Variants in CNGA2 observed in about 807,000 individuals in gnomAD.
The protein encoded by CNGA2 is cyclic nucleotide-gated channel alpha-2.
A neutral mutation model predicts 35.9 loss-of-function variants in CNGA2; 22 were observed. That is an observed-to-expected ratio of 0.61 (90% CI 0.44 to 0.88). CNGA2 has a LOEUF of 0.88. CNGA2 is among the 40% of genes least tolerant of loss of function. The probability of loss-of-function intolerance (pLI) is 0.00; values close to 1 mark genes in which losing one functional copy is unlikely to be tolerated. For missense variants in CNGA2, 555 were observed against 530.8 expected, an observed-to-expected ratio of 1.05 and a Z score of -0.45; for synonymous variants, 217 against 209.2, an observed-to-expected ratio of 1.04 and a Z score of -0.32.
At position 151,744,818 on chromosome X, in the gene CNGA2, C is replaced by T. The variant is rs1255674082; in HGVS notation, c.*320C>T. ...ATAGCGACCCCTCCCTTGGTTCTGG[C>T]CCCCGCTTTTTCTAACATGTCTTCT... On this transcript the variant is annotated 3_prime_UTR_variant, in exon 7 of 7. Coordinates refer to ENST00000329903, the MANE Select transcript of CNGA2 (RefSeq NM_005140.3). 2.3e-5 allele frequency: 6 copies of T among 266,354 alleles called. No individual in the cohort carries two copies. Among genetic ancestry groups the T allele is most frequent in the Non-Finnish European group, 3.3e-5 (5 of 149,824 alleles). The allele number at this position is 266,354 out of a possible 1,213,427, so 22.0% of individuals were successfully genotyped here. A position where few individuals can be genotyped will look rare whatever the true frequency, so the allele number is the denominator to read the frequency against.
At chrX:151,738,717 A>G in intron 2 of CNGA2, 70 bp from the exon 3 acceptor site, 1 of 1,090,905 alleles carries the variant, frequency 9.2e-7, no homozygotes, top group Non-Finnish European at 1.2e-6. Flanking sequence ...GGGATTTCTA[A>G]GCATGACCCA....
chrX:151,740,871 T>C lies in CNGA2; in HGVS notation c.452T>C (p.Val151Ala). 3 of 1,210,842 alleles carry C rather than the reference T, an allele frequency of 2.5e-6. No individual in the cohort carries two copies. The highest frequency in any genetic ancestry group is 2.2e-6 in the Non-Finnish European group (2 of 894,992). ...TGGCTATTTGTCATTGCCATGCCCG[T>C]CCTTTACAACTGGTGCCTGCTGGTG... is the stretch of plus-strand genomic sequence containing the variant. ...YCWLFVIAMP[V>A]LYNWCLLVAR... Residue 151 changes from valine (V) to alanine (A), a missense_variant, in exon 5 of 7, where the codon GTC (valine) becomes GCC (alanine). Val to Ala is a moderately conservative substitution (Grantham distance 64). Coordinates refer to ENST00000329903, the MANE Select transcript of CNGA2 (RefSeq NM_005140.3).
chrX:151,735,117 C>A (rs897362544), intron 1 of CNGA2, among the ~76,000 whole-genome samples, 174 bp downstream of exon 1: 9 of 111,947 alleles, frequency 8.0e-5, no homozygotes, highest in Non-Finnish European at 1.5e-4. Context: ...GCTGGTTTTT[C>A]TTTAAAGTCC....
At chrX:151,738,691 C>A in intron 2 of CNGA2, 96 bp from the exon 3 acceptor site, 1 of 1,085,188 alleles carries the variant, frequency 9.2e-7, no homozygotes, top group Admixed American at 2.5e-5. Context: ...TCCAGGACAG[C>A]CTCTAAAAAG....
intron 5 of CNGA2, among the ~76,000 whole-genome samples, chrX:151,741,831 C>A (rs1192237189): frequency 6.2e-5 from 7 of 112,250 alleles, no homozygotes; most frequent in Non-Finnish European, 1.3e-4. Context: ...TGGCATGGGC[C>A]AGCTCTGCAG....
chrX:151,738,953 C>T (rs2015275811), intron 3 of CNGA2, 74 bp downstream of exon 3: 7 of 830,310 alleles, frequency 8.4e-6, no homozygotes, highest in Non-Finnish European at 8.5e-6. Flanking sequence ...CACTGCCCTC[C>T]TCTTCACGGT....
At chrX:151,738,725 C>G (rs2015272482) in intron 2 of CNGA2, 62 bp from the exon 3 acceptor site, 4 of 1,097,446 alleles carry the variant, frequency 3.6e-6, no homozygotes, top group Non-Finnish European at 4.9e-6. Flanking sequence ...TAAGCATGAC[C>G]CAGGAGGGGA....
At position 151,745,233 on chromosome X, in the gene CNGA2, T is replaced by C. The variant is rs994685921; in HGVS notation, c.*735T>C. On this transcript the variant is annotated 3_prime_UTR_variant, in exon 7 of 7. Transcript: ENST00000329903. The stretch of plus-strand genomic sequence containing the variant: ...TTCCTAAAGAGGCCCTGAAAACTGC[T>C]GGTGGTGGGGAGACTCTTCAAGTTA... 1.6e-4 allele frequency: 18 copies of C among 112,229 alleles called. No individual in the cohort carries two copies. The highest frequency in any genetic ancestry group is 5.8e-4 in the African/African-American group (18 of 30,905). The allele number at this position is 112,229 out of a possible 1,213,427, so 9.2% of individuals were successfully genotyped here.
intron 1 of CNGA2, among the ~76,000 whole-genome samples, chrX:151,736,208 G>C (rs2015246366): frequency 9.0e-6 from 1 of 111,410 alleles, no homozygotes; most frequent in Non-Finnish European, 1.9e-5. Flanking sequence ...TCATGATATG[G>C]GGATGGACAC....
intron 1 of CNGA2, among the ~76,000 whole-genome samples, chrX:151,737,871 C>T (rs757402910): frequency 1.0e-4 from 11 of 104,889 alleles, no homozygotes; most frequent in East Asian, 3.4e-4. Flanking sequence ...GGAGGAGGTG[C>T]GTCTCCCTGG....
rs1427994580 is a variant in CNGA2 at position 151,738,458 on chromosome X, A to G, written c.-26A>G. 8.6e-7 allele frequency: 1 copy of G among 1,159,709 alleles called. No homozygotes were observed. The highest frequency in any genetic ancestry group is 1.2e-6 in the Non-Finnish European group (1 of 849,827). ...TTCTTCTTGGCCCTCTTCCTGGCAG[A>G]TAAGTGCTCTGGTTGTACATGGAGG... On this transcript the variant is annotated splice_region_variant and 5_prime_UTR_variant, in exon 2 of 7. Transcript: ENST00000329903.
rs776787921 is a variant in CNGA2 at position 151,743,793 on chromosome X, G to T, written c.1290G>T (p.Lys430Asn). ...CAGTGGATGAGCGAGAAATTCTCAA[G>T]AATCTGCCAGCCAAGCTCAGGGCTG... ...KKTVDEREILKNLPAKLRAEI... is the reference protein window; with the variant it reads ...KKTVDEREILNNLPAKLRAEI... The change falls in exon 7 of 7, where the codon AAG becomes AAT. Residue 430 changes from lysine to asparagine, a missense_variant. Coordinates refer to ENST00000329903, the MANE Select transcript of CNGA2 (RefSeq NM_005140.3). The T allele has an allele frequency of 1.7e-6, 2 of 1,211,612 alleles. No individual in the cohort carries two copies. Among genetic ancestry groups the T allele is most frequent in the South Asian group, 1.8e-5 (1 of 56,943 alleles).
At chrX:151,741,069 T>C (rs972527472) in intron 5 of CNGA2, among the ~76,000 whole-genome samples, 168 bp downstream of exon 5, 1 of 112,340 alleles carries the variant, frequency 8.9e-6, no homozygotes, top group Non-Finnish European at 1.9e-5. Context: ...GTCCTGTGTC[T>C]GGGACAACTA....
At chrX:151,738,094 G>A (rs2015265901) in intron 1 of CNGA2, among the ~76,000 whole-genome samples, 2 of 109,656 alleles carry the variant, frequency 1.8e-5, no homozygotes, top group Non-Finnish European at 3.8e-5. Flanking sequence ...CATCTGCAAA[G>A]TGAAGGCACA....
rs2015361357 is a variant in CNGA2, at chrX:151,744,912, C to T, written c.*414C>T. On this transcript the variant is annotated 3_prime_UTR_variant, in exon 7 of 7. Coordinates refer to ENST00000329903, the MANE Select transcript of CNGA2 (RefSeq NM_005140.3). ...GACTATAGACATTTAGATCAGGTAC[C>T]CAGTGTCTGTCTCCCACGACAGGCC... 3 of 134,467 alleles carry T rather than the reference C, an allele frequency of 2.2e-5. No individual in the cohort carries two copies. The South Asian group carries it at 9.4e-4, about 42-fold the overall frequency. 11.1% of individuals were successfully genotyped at this position (134,467 alleles called of 1,213,427 possible).
At chrX:151,735,842 G>C (rs1483012308) in intron 1 of CNGA2, among the ~76,000 whole-genome samples, 1 of 110,491 alleles carries the variant, frequency 9.1e-6, no homozygotes, top group East Asian at 2.8e-4. Flanking sequence ...TCTATCTCTT[G>C]TCTGTCCCCT....
At chrX:151,742,238 G>C (rs2015311106) in intron 5 of CNGA2, among the ~76,000 whole-genome samples, 1 of 112,159 alleles carries the variant, frequency 8.9e-6, no homozygotes, top group Non-Finnish European at 1.9e-5. Flanking sequence ...CCCTAGGTCA[G>C]GCATGGGGCA....
rs377401501 is a variant in CNGA2 at position 151,736,106 on chromosome X, C to T, written c.-27+1163C>T. ...GAACTCCCTCATGTTTCTCACATCCCCAGCCTCATTCTCCTTCACTCACCC... is the reference window on the plus strand; with the variant it reads ...GAACTCCCTCATGTTTCTCACATCCTCAGCCTCATTCTCCTTCACTCACCC... On this transcript the variant is annotated intron_variant, in intron 1 of 6. Transcript: ENST00000329903. 1.4e-4 allele frequency among the ~76,000 whole-genome samples: 16 copies of T among 111,967 alleles called. No homozygotes were observed. In the East Asian group the frequency reaches 4.2e-3, roughly 30 times the overall value.
At chrX:151,739,354 G>A (rs2015279552) in intron 3 of CNGA2, among the ~76,000 whole-genome samples, 1 of 112,477 alleles carries the variant, frequency 8.9e-6, no homozygotes, top group East Asian at 2.8e-4. Flanking sequence ...CCCCTGGACT[G>A]CATTCAGGGT....
Sources: allele counts gnomAD v4.1 joint callset (sites outside exome capture counted in the v4.1 genomes callset), GRCh38; gene constraint gnomAD v4.1.1; transcripts MANE v1.5; gene names NCBI Gene and HGNC (gene_info 2026-07-23, HGNC 2026-07-21).